ZNF382: variants seen among roughly 807,000 people sequenced by gnomAD.
The protein encoded by ZNF382 is KRAB/zinc finger suppressor protein 1.
ZNF382 carries 20 observed loss-of-function variants against 38.8 expected under a neutral mutation model. That is an observed-to-expected ratio of 0.51 (90% CI 0.36 to 0.75). The LOEUF is 0.75. ZNF382 is among the 30% of genes least tolerant of loss of function. The pLI is 0.00. For synonymous variants in ZNF382, 202 were observed against 223.1 expected (o/e 0.91, Z 0.84); for missense variants, 546 against 654.1 (o/e 0.83, Z 1.80).
intron 4 of ZNF382, among the ~76,000 whole-genome samples, chr19:36,614,729 C>G (rs529366791): frequency 6.6e-6 from 1 of 152,138 alleles, no homozygotes; most frequent in East Asian, 1.9e-4. Flanking sequence ...AATTCAAGAC[C>G]AGCCTGGCCA....
intron 3 of ZNF382, 82 bp from the exon 4 acceptor site, chr19:36,610,568 C>T: frequency 1.8e-6 from 2 of 1,103,394 alleles, no homozygotes; most frequent in Non-Finnish European, 2.7e-6. Flanking sequence ...TCATTTACTA[C>T]CTTGAAGTTG....
rs1018729403 is a variant in ZNF382, at chr19:36,630,659, C to G, written c.*3109C>G. 5 of 152,110 alleles carry G rather than the reference C, an allele frequency of 3.3e-5. No homozygotes were observed. Among genetic ancestry groups the G allele is most frequent in the Non-Finnish European group, 1.5e-5 (1 of 68,026 alleles). 9.4% of individuals were successfully genotyped at this position (152,110 alleles called of 1,614,324 possible). On this transcript the variant is annotated 3_prime_UTR_variant, in exon 5 of 5. Coordinates refer to ENST00000292928, the MANE Select transcript of ZNF382 (RefSeq NM_032825.5). The stretch of plus-strand genomic sequence containing the variant: ...AAATTGTGTTTTCTAAAGCTATTTA[C>G]ATATAAGCTGCCGCTCCTTAGGAAA...
chr19:36,612,033 ATGTAAAG>A (rs2037081577), intron 4 of ZNF382, among the ~76,000 whole-genome samples: 1 of 152,184 alleles, frequency 6.6e-6, no homozygotes, highest in South Asian at 2.1e-4. Context: ...GTACATAGAG[ATGTAAAG>A]TGTAAAGTTC....
At chr19:36,606,555 C>T (rs565716775) in intron 1 of ZNF382, among the ~76,000 whole-genome samples, 40 of 151,422 alleles carry the variant, frequency 2.6e-4, no homozygotes, top group Non-Finnish European at 5.9e-5. Context: ...GGGGTTTCAC[C>T]ATGTTGCCCA....
In ZNF382 at chr19:36,626,446, G is replaced by A; in HGVS notation, c.549G>A (p.Val183=). The A allele has an allele frequency of 1.2e-6, 2 of 1,606,872 alleles. No individual in the cohort carries two copies. The highest frequency in any genetic ancestry group is 1.1e-5 in the South Asian group (1 of 89,280). Residue 183 remains valine, a synonymous_variant, in exon 5 of 5, where the codon GTG becomes GTA. Coordinates refer to ENST00000292928, the MANE Select transcript of ZNF382 (RefSeq NM_032825.5). The stretch of plus-strand genomic sequence containing the variant: ...AGCATGAGAAAATTCATCCTGCAGT[G>A]AATCTCCATAAACAAACAGAAAGAG... ...NTKHEKIHPA[V]NLHKQTERVL...
chr19:36,627,560 C>CT lies in ZNF382; in HGVS notation c.*17dup, dbSNP rs1568633150. On this transcript the variant is annotated 3_prime_UTR_variant, in exon 5 of 5. Coordinates refer to ENST00000292928, the MANE Select transcript of ZNF382 (RefSeq NM_032825.5). ...CACGGGAATTCAGTAAGTAATGTGG[C>CT]TTTTTTTGTAAAAAAATGTTAAGTC... is the stretch of plus-strand genomic sequence containing the variant. The CT allele has an allele frequency of 1.3e-6, 2 of 1,588,294 alleles. No homozygotes were observed. Among genetic ancestry groups the CT allele is most frequent in the East Asian group, 4.5e-5 (2 of 44,660 alleles).
At position 36,625,914 on chromosome 19, in the gene ZNF382, A is replaced by G. The variant is rs77275316; in HGVS notation, c.233-216A>G. ...AGCTTATATTTATAACATGCCAAAGATATGAGTGTTTTTTGCTTATGCCAG... is the reference window on the plus strand; with the variant it reads ...AGCTTATATTTATAACATGCCAAAGGTATGAGTGTTTTTTGCTTATGCCAG... On this transcript the variant is annotated intron_variant, in intron 4 of 4. Transcript: ENST00000292928. Among the ~76,000 whole-genome samples, 39 of 152,228 alleles carry G rather than the reference A, an allele frequency of 2.6e-4. No individual in the cohort carries two copies. In the East Asian group the frequency reaches 7.3e-3, roughly 29 times the overall value.
intron 2 of ZNF382, chr19:36,608,505 TTCCTCTTTAGCTCA>T: frequency 6.6e-6 from 1 of 152,218 alleles, no homozygotes; most frequent in East Asian, 1.9e-4. Context: ...TTTCAGAAAA[TTCCTCTTTAGCTCA>T]TCCACCAACC....
At chr19:36,606,480 T>C (rs1342631836) in intron 1 of ZNF382, among the ~76,000 whole-genome samples, 2 of 151,964 alleles carry the variant, frequency 1.3e-5, no homozygotes, top group South Asian at 2.1e-4. Context: ...CCCAGCTTCC[T>C]GAGTAGCTGG....
At chr19:36,607,767 G>A (rs1333869753) in intron 2 of ZNF382, 145 bp downstream of exon 2, 6 of 850,032 alleles carry the variant, frequency 7.1e-6, no homozygotes, top group Non-Finnish European at 1.1e-5. Context: ...GCTGAGGCAG[G>A]CAAGTGGCAT....
intron 2 of ZNF382, chr19:36,609,090 T>C (rs1178651497): frequency 6.6e-6 from 1 of 152,248 alleles, no homozygotes; most frequent in Non-Finnish European, 1.5e-5. Flanking sequence ...TTATGTTTAT[T>C]GATGTTCTTT....
chr19:36,620,162 C>T (rs184642516), intron 4 of ZNF382, among the ~76,000 whole-genome samples: 4 of 152,298 alleles, frequency 2.6e-5, no homozygotes, highest in Non-Finnish European at 5.9e-5. Flanking sequence ...CTGAGTCTCA[C>T]ATCCCATTCT....
intron 2 of ZNF382, chr19:36,608,511 T>A (rs987422283): frequency 6.6e-6 from 1 of 152,250 alleles, no homozygotes; most frequent in African/African-American, 2.4e-5. Flanking sequence ...AAAATTCCTC[T>A]TTAGCTCATC....
intron 4 of ZNF382, among the ~76,000 whole-genome samples, chr19:36,622,690 C>A (rs1169035939): frequency 6.6e-6 from 1 of 152,136 alleles, no homozygotes; most frequent in Non-Finnish European, 1.5e-5. Flanking sequence ...AAAGCCCCTA[C>A]CCTAAATCAT....
chr19:36,627,096 G>C lies in ZNF382; in HGVS notation c.1199G>C (p.Arg400Thr). ...AAGTCATACCTCATTGATCACCAGA[G>C]AACTCACACAGGAGAGAAACCGTAT... The part of the protein sequence containing the change: ...RKKSYLIDHQ[R>T]THTGEKPYQC... The change falls in exon 5 of 5, where the codon AGA becomes ACA. Residue 400 changes from arginine to threonine, a missense_variant. Arg to Thr is a moderately conservative substitution (Grantham distance 71). Transcript: ENST00000292928. 3 of 1,613,940 alleles carry C rather than the reference G, an allele frequency of 1.9e-6. No individual in the cohort carries two copies. Among genetic ancestry groups the C allele is most frequent in the Non-Finnish European group, 2.5e-6 (3 of 1,179,978 alleles).
chr19:36,605,610 G>C (rs939488338), intron 1 of ZNF382: 1 of 152,272 alleles, frequency 6.6e-6, no homozygotes, highest in African/African-American at 2.4e-5. Flanking sequence ...TGCCCGTTCT[G>C]ATCCCGCGGA....
Position 36,633,815 on chromosome 19 carries a change from G to T in ZNF382, c.*6265G>T, listed in dbSNP as rs1383101966. Reference sequence around the variant, plus strand: ...CTCAAATGCATTACGCTAAAGGAAAGAACCCAGTCCCAAAAAGTTACATAC... The same window carrying T: ...CTCAAATGCATTACGCTAAAGGAAATAACCCAGTCCCAAAAAGTTACATAC... On this transcript the variant is annotated 3_prime_UTR_variant, in exon 5 of 5. Coordinates refer to ENST00000292928, the MANE Select transcript of ZNF382 (RefSeq NM_032825.5). 2 of 152,098 alleles carry T rather than the reference G, an allele frequency of 1.3e-5. No homozygotes were observed. The highest frequency in any genetic ancestry group is 4.8e-5 in the African/African-American group (2 of 41,434). 9.4% of individuals were successfully genotyped at this position (152,098 alleles called of 1,614,324 possible).
At chr19:36,619,479 T>C (rs1490698208) in intron 4 of ZNF382, among the ~76,000 whole-genome samples, 1 of 152,126 alleles carries the variant, frequency 6.6e-6, no homozygotes, top group African/African-American at 2.4e-5. Context: ...GGGCTAACTA[T>C]TTGTAACCCC....
At chr19:36,623,365 CAA>C (rs894482838) in intron 4 of ZNF382, among the ~76,000 whole-genome samples, 12 of 152,094 alleles carry the variant, frequency 7.9e-5, no homozygotes, top group African/African-American at 2.9e-4. Context: ...ACTGTATTAT[CAA>C]ATTGAGGACT....
Sources: allele counts gnomAD v4.1 joint callset (sites outside exome capture counted in the v4.1 genomes callset), GRCh38; gene constraint gnomAD v4.1.1; transcripts MANE v1.5; gene names NCBI Gene and HGNC (gene_info 2026-07-23, HGNC 2026-07-21).